C9orf43: variants seen among roughly 807,000 people sequenced by gnomAD.
C9orf43 encodes chromosome 9 open reading frame 43, also known as uncharacterized protein C9orf43.
A neutral mutation model predicts 59.1 loss-of-function variants in C9orf43; 45 were observed. That is an observed-to-expected ratio of 0.76 (90% CI 0.60 to 0.98). The LOEUF is 0.98. Ranked by LOEUF, C9orf43 falls within the 50% of genes least tolerant of loss-of-function variation. C9orf43 has a pLI of 0.00. For synonymous variants in C9orf43, 203 were observed against 196.8 expected, an observed-to-expected ratio of 1.03 and a Z score of -0.26; for missense variants, 533 against 554.9, an observed-to-expected ratio of 0.96 and a Z score of 0.40.
At chr9:113,422,837 G>GA (rs1246496074) in intron 6 of C9orf43, among the ~76,000 whole-genome samples, 3 of 152,058 alleles carry the variant, frequency 2.0e-5, no homozygotes, top group African/African-American at 7.2e-5. Context: ...TTCAGGGGGG[G>GA]AGTTTTTGGT....
chr9:113,423,257 G>T, intron 6 of C9orf43, 69 bp from the exon 7 acceptor site: 1 of 1,504,506 alleles, frequency 6.6e-7, no homozygotes. Flanking sequence ...TGAGAGGCTA[G>T]AATGTTGATG....
Position 113,425,363 on chromosome 9 carries a change from G to A in C9orf43, c.885G>A (p.Gln295=), listed in dbSNP as rs199944276. Residue 295 remains glutamine, a synonymous_variant, in exon 10 of 14, where the codon CAG becomes CAA. Coordinates refer to ENST00000374165, the MANE Select transcript of C9orf43 (RefSeq NM_001278629.2). ...CACCAGGTTACAGGAAACAGCAGCA[G>A]CGGCAGCAGCAGCAGCAGCAGCAAC... ...LKTEGYRKQQ[Q]RQQQQQQQQK... The A allele has an allele frequency of 4.3e-6, 7 of 1,613,656 alleles. No homozygotes were observed. In the Admixed American group the frequency reaches 1.2e-4, roughly 27 times the overall value.
chr9:113,411,145 A>G (rs1828122712), intron 1 of C9orf43, 144 bp downstream of exon 1: 3 of 982,910 alleles, frequency 3.1e-6, no homozygotes, highest in East Asian at 2.3e-4. Flanking sequence ...GCAGGTAACG[A>G]AAGGGCGAGA....
intron 8 of C9orf43, 39 bp from the exon 9 acceptor site, chr9:113,424,980 C>G (rs1328987715): frequency 3.2e-6 from 5 of 1,568,254 alleles, no homozygotes; most frequent in Non-Finnish European, 4.3e-6. Flanking sequence ...AGGGAAAGAC[C>G]TGCAGTAGAG....
intron 6 of C9orf43, 125 bp from the exon 7 acceptor site, chr9:113,423,201 C>T (rs1447359610): frequency 1.9e-5 from 16 of 821,960 alleles, no homozygotes; most frequent in South Asian, 3.7e-5. Flanking sequence ...CGGCCCTCAT[C>T]GTTCAGAGGA....
rs770204736 is a variant in C9orf43, at chr9:113,413,446, G to C, written c.-48G>C. ...ATTATGTAGCTGTTGATTTTCCAGAGCACTAGAATGCTGCAGGGTTGGCCT... is the reference window on the plus strand; with the variant it reads ...ATTATGTAGCTGTTGATTTTCCAGACCACTAGAATGCTGCAGGGTTGGCCT... On this transcript the variant is annotated splice_region_variant and 5_prime_UTR_variant, in exon 2 of 14. Transcript: ENST00000374165. 3.8e-6 allele frequency: 6 copies of C among 1,585,474 alleles called. No homozygotes were observed. In the Admixed American group the frequency reaches 1.0e-4, roughly 27 times the overall value.
chr9:113,412,323 C>G (rs1431672225), intron 1 of C9orf43, among the ~76,000 whole-genome samples: 1 of 152,136 alleles, frequency 6.6e-6, no homozygotes, highest in Non-Finnish European at 1.5e-5. Flanking sequence ...AAAATTGATT[C>G]AAAGTGCTAG....
At chr9:113,413,180 C>T (rs944576928) in intron 1 of C9orf43, among the ~76,000 whole-genome samples, 3 of 152,236 alleles carry the variant, frequency 2.0e-5, no homozygotes, top group Non-Finnish European at 2.9e-5. Flanking sequence ...GTGGAGGCAA[C>T]AGGCTCAGAC....
intron 3 of C9orf43, 49 bp downstream of exon 3, chr9:113,413,943 G>A (rs1828266843): frequency 1.3e-6 from 2 of 1,552,674 alleles, no homozygotes; most frequent in Admixed American, 2.0e-5. Context: ...TCAAAATTCT[G>A]GATTATGATT....
intron 3 of C9orf43, 41 bp from the exon 4 acceptor site, chr9:113,419,067 T>G: frequency 5.9e-6 from 9 of 1,513,946 alleles, no homozygotes; most frequent in Non-Finnish European, 8.2e-6. Flanking sequence ...TTCCAATAAG[T>G]CTTTTGTATT....
At chr9:113,419,335 T>C (rs1828486230) in intron 4 of C9orf43, among the ~76,000 whole-genome samples, 170 bp downstream of exon 4, 1 of 152,220 alleles carries the variant, frequency 6.6e-6, no homozygotes, top group African/African-American at 2.4e-5. Flanking sequence ...CTCTGTGCTA[T>C]CTACATGCCA....
rs753158980 is a variant in C9orf43, at chr9:113,423,382, A to C, written c.540A>C (p.Gly180=). 12 of 1,614,160 alleles carry C rather than the reference A, an allele frequency of 7.4e-6. No individual in the cohort carries two copies. The South Asian group carries it at 1.3e-4, about 18-fold the overall frequency. The change falls in exon 7 of 14, where the codon GGA becomes GGC. Residue 180 remains glycine (G), a synonymous_variant. Coordinates refer to ENST00000374165, the MANE Select transcript of C9orf43 (RefSeq NM_001278629.2). ...SGNQSAGTRV[G]TPGMIVPPPT... is the part of the protein sequence containing the mutation. ...ATCAGTCCGCAGGAACACGAGTAGG[A>C]ACACCAGGGATGATCGTGCCTCCCC... is the stretch of plus-strand genomic sequence containing the variant.
chr9:113,425,680 A>G lies in C9orf43; in HGVS notation c.980A>G (p.Gln327Arg), dbSNP rs138361218. Residue 327 changes from glutamine to arginine, a missense_variant, in exon 11 of 14, where the codon CAG becomes CGG. By Grantham distance (43) the Gln-to-Arg change is conservative. Transcript: ENST00000374165. ...AAAGCCAAGAGTGATCCAGGGATCC[A>G]GAGCACTTCACATAAACATCCAGTT... is the stretch of plus-strand genomic sequence containing the variant. Reference protein sequence around the residue: ...KKKAKSDPGIQSTSHKHPVTT... With the variant: ...KKKAKSDPGIRSTSHKHPVTT... 3.4e-4 allele frequency: 546 copies of G among 1,614,076 alleles called. 4 individuals are homozygous for G. Among genetic ancestry groups the G allele is most frequent in the African/African-American group, 6.7e-5 (5 of 74,940 alleles).
chr9:113,421,642 A>G (rs1434563493), intron 5 of C9orf43, among the ~76,000 whole-genome samples: 1 of 152,118 alleles, frequency 6.6e-6, no homozygotes, highest in Non-Finnish European at 1.5e-5. Context: ...GACAAAGACC[A>G]TTTGGTGAAG....
chr9:113,413,212 A>G (rs1039211643), intron 1 of C9orf43, among the ~76,000 whole-genome samples: 2 of 152,256 alleles, frequency 1.3e-5, no homozygotes, highest in African/African-American at 4.8e-5. Flanking sequence ...CAGGTCACTC[A>G]GCTATTAAAT....
Position 113,425,054 on chromosome 9 carries a change from A to G in C9orf43, c.843A>G (p.Lys281=), listed in dbSNP as rs953629805. ...TGCGATATCCTGAACGTTTGAAGAA[A>G]TTACATAACCTGAAGACAGAAGGTA... ...PALRYPERLK[K]LHNLKTEGYR... is the part of the protein sequence containing the mutation. The change falls in exon 9 of 14, where the codon AAA becomes AAG. Residue 281 remains lysine, a synonymous_variant. Coordinates refer to ENST00000374165, the MANE Select transcript of C9orf43 (RefSeq NM_001278629.2). 8 of 1,613,206 alleles carry G rather than the reference A, an allele frequency of 5.0e-6. No homozygotes were observed. The highest frequency in any genetic ancestry group is 1.6e-4 in the Middle Eastern group (1 of 6,082).
At chr9:113,429,141 A>AGGTGCAATTAATGACTGCATCTT in intron 13 of C9orf43, 31 bp from the exon 14 acceptor site, 1 of 1,600,716 alleles carries the variant, frequency 6.2e-7, no homozygotes, top group Non-Finnish European at 8.6e-7. Context: ...AGGAGTTTAC[A>AGGTGCAATTAATGACTGCATCTT]GGTGCAATTA....
At chr9:113,411,104 T>A in intron 1 of C9orf43, 103 bp downstream of exon 1, 1 of 985,440 alleles carries the variant, frequency 1.0e-6, no homozygotes, top group Non-Finnish European at 1.2e-6. Flanking sequence ...GAGATGCGCC[T>A]GATTAGGTCT....
rs531229201 is a variant in C9orf43 at position 113,422,450 on chromosome 9, A to C, written c.447-99A>C. On this transcript the variant is annotated intron_variant, in intron 5 of 13. Coordinates refer to ENST00000374165, the MANE Select transcript of C9orf43 (RefSeq NM_001278629.2). ...GGTCATCATTCACAAATATCCTTGG[A>C]GCTTCTGTTTAAGATATCTGGGAAT... 1.9e-5 allele frequency: 29 copies of C among 1,494,242 alleles called. No individual in the cohort carries two copies. The East Asian group carries it at 5.7e-4, about 29-fold the overall frequency. The allele number at this position is 1,494,242 out of a possible 1,614,324, so 92.6% of individuals were successfully genotyped here.
Sources: allele counts gnomAD v4.1 joint callset (sites outside exome capture counted in the v4.1 genomes callset), GRCh38; gene constraint gnomAD v4.1.1; transcripts MANE v1.5; gene names NCBI Gene and HGNC (gene_info 2026-07-23, HGNC 2026-07-21).